COBL: variants seen among roughly 807,000 people sequenced by gnomAD.
COBL encodes the protein cordon-bleu WH2 repeat protein.
Under a neutral mutation model 98.8 loss-of-function variants are expected in COBL, and 51 were observed. The ratio of observed to expected loss-of-function variants is 0.52; its 90% CI spans 0.41 to 0.65. The LOEUF is 0.65. COBL is among the 30% of genes least tolerant of loss of function. COBL has a pLI of 0.00. For missense variants in COBL, 1,617 were observed against 1,617.5 expected, an observed-to-expected ratio of 1.00 and a Z score of 0.01; for synonymous variants, 634 against 651.7, an observed-to-expected ratio of 0.97 and a Z score of 0.41.
intron 3 of COBL, among the ~76,000 whole-genome samples, chr7:51,193,098 G>A (rs1241140169): frequency 6.6e-6 from 1 of 152,198 alleles, no homozygotes; most frequent in Non-Finnish European, 1.5e-5. Flanking sequence ...TAAAGACCAT[G>A]CCCCTCTTTG....
chr7:51,160,551 C>G (rs918534208), intron 5 of COBL, among the ~76,000 whole-genome samples: 3 of 152,320 alleles, frequency 2.0e-5, no homozygotes, highest in East Asian at 3.9e-4. Context: ...CCGAGCCAAC[C>G]TTCATCGAGT....
At chr7:51,066,335 C>T (rs1791921197) in intron 7 of COBL, among the ~76,000 whole-genome samples, 1 of 152,196 alleles carries the variant, frequency 6.6e-6, no homozygotes, top group Non-Finnish European at 1.5e-5. Context: ...GCACCACCTC[C>T]TCCACTTTCT....
At chr7:51,240,476 T>C (rs779834025) in intron 1 of COBL, among the ~76,000 whole-genome samples, 3 of 152,252 alleles carry the variant, frequency 2.0e-5, no homozygotes, top group Non-Finnish European at 4.4e-5. Flanking sequence ...GCGGCTCAAG[T>C]GAACAAAAGC....
chr7:51,057,698 G>A (rs552233479), intron 7 of COBL, among the ~76,000 whole-genome samples: 2 of 152,256 alleles, frequency 1.3e-5, no homozygotes, highest in East Asian at 3.9e-4. Flanking sequence ...CAATTATGGT[G>A]GCCCAAAATA....
Position 51,028,896 on chromosome 7 carries a change from C to T in COBL, c.2200G>A (p.Asp734Asn). The T allele has an allele frequency of 6.2e-6, 10 of 1,614,214 alleles. No individual in the cohort carries two copies. Among genetic ancestry groups the T allele is most frequent in the Middle Eastern group, 1.6e-4 (1 of 6,062 alleles). ...VSLSTGAIKI[D>N]ELGNLVSPHA... is the part of the protein sequence containing the mutation. ...GGACTCACCAAGTTCCCCAGCTCGT[C>T]AATCTTAATGGCTCCGGTGGAGAGG... Residue 734 changes from aspartate to asparagine, a missense_variant, in exon 10 of 13, where the codon GAC becomes AAC. Physicochemically the swap from Asp to Asn is conservative, Grantham distance 23. Around this residue, in one of 3 missense-constraint regions of COBL, gnomAD observed 1,304 missense variants for 1,282.0 expected, o/e 1.02. Transcript: ENST00000265136.
intron 7 of COBL, among the ~76,000 whole-genome samples, chr7:51,066,939 A>G (rs1791992409): frequency 6.6e-6 from 1 of 152,250 alleles, no homozygotes; most frequent in Non-Finnish European, 1.5e-5. Flanking sequence ...AAGACTATTC[A>G]TTTAAACAAC....
chr7:51,279,657 CA>C, intron 1 of COBL, among the ~76,000 whole-genome samples: 1 of 152,308 alleles, frequency 6.6e-6, no homozygotes, highest in Non-Finnish European at 1.5e-5. Flanking sequence ...CCACAACCTA[CA>C]TTAAGGTTCA....
Position 51,041,878 on chromosome 7 carries a change from A to AT in COBL, c.1406+1504_1406+1505insA, listed in dbSNP as rs1160429394. On this transcript the variant is annotated intron_variant, in intron 8 of 12. Transcript: ENST00000265136. ...CGAAAAACATTGGCGGGCTGAAGAG[A>AT]ATCAATATGCCTTTCTATATAATAA... 2.6e-5 allele frequency among the ~76,000 whole-genome samples: 4 copies of AT among 152,192 alleles called. No individual in the cohort carries two copies. The East Asian group carries it at 5.8e-4, about 22-fold the overall frequency.
chr7:51,133,845 T>C lies in COBL; in HGVS notation c.957+2313A>G, dbSNP rs544219966. Among the ~76,000 whole-genome samples, 20 of 152,336 alleles carry C rather than the reference T, an allele frequency of 1.3e-4. No homozygotes were observed. In the East Asian group the frequency reaches 3.1e-3, roughly 23 times the overall value. ...ATAATCAGGTGACAAATACTAACTA[T>C]GGTTACAAATTTTAGAAAATTTTCA... is the stretch of plus-strand genomic sequence containing the variant. On this transcript the variant is annotated intron_variant, in intron 6 of 12. Coordinates refer to ENST00000265136, the MANE Select transcript of COBL (RefSeq NM_015198.5).
intron 7 of COBL, among the ~76,000 whole-genome samples, chr7:51,063,054 A>G (rs1791543012): frequency 6.6e-6 from 1 of 152,216 alleles, no homozygotes; most frequent in African/African-American, 2.4e-5. Flanking sequence ...ACAGTTATTA[A>G]ACTTCCTAAG....
intron 5 of COBL, among the ~76,000 whole-genome samples, chr7:51,181,361 G>A (rs1368463159): frequency 3.9e-5 from 6 of 152,174 alleles, no homozygotes; most frequent in African/African-American, 1.4e-4. Flanking sequence ...AGCTCTTAAA[G>A]CCAATTGCTA....
At chr7:51,159,158 C>G (rs1275549078) in intron 5 of COBL, among the ~76,000 whole-genome samples, 1 of 152,164 alleles carries the variant, frequency 6.6e-6, no homozygotes, top group Admixed American at 6.5e-5. Context: ...GCCGCGCGCG[C>G]TGCGCTCTGG....
chr7:51,274,644 A>G (rs771298346), intron 1 of COBL, among the ~76,000 whole-genome samples: 7 of 152,226 alleles, frequency 4.6e-5, no homozygotes, highest in Non-Finnish European at 1.0e-4. Context: ...CATTAAGCAC[A>G]CTTTTGTGCG....
At chr7:51,177,224 C>T (rs1584063994) in intron 5 of COBL, among the ~76,000 whole-genome samples, 1 of 152,116 alleles carries the variant, frequency 6.6e-6, no homozygotes, top group East Asian at 1.9e-4. Context: ...TACATGTCTT[C>T]CCTGGCTCAC....
chr7:51,031,140 T>C (rs1788103627), intron 8 of COBL: 2 of 538,592 alleles, frequency 3.7e-6, no homozygotes, highest in Admixed American at 3.4e-5. Flanking sequence ...TGTGTGCATG[T>C]GTGGAGTATA....
At chr7:51,272,889 A>C (rs567283156) in intron 1 of COBL, among the ~76,000 whole-genome samples, 86 of 152,200 alleles carry the variant, frequency 5.7e-4, no homozygotes, top group African/African-American at 2.0e-3. Flanking sequence ...TTAATACTAC[A>C]CAAGTCCAGT....
At chr7:51,156,509 G>A (rs140385658) in intron 5 of COBL, 1 of 984,930 alleles carries the variant, frequency 1.0e-6, no homozygotes. Flanking sequence ...AAGGAGTTAC[G>A]CTCACCATAT....
At chr7:51,214,545 G>T (rs1024705232) in intron 2 of COBL, among the ~76,000 whole-genome samples, 1 of 151,904 alleles carries the variant, frequency 6.6e-6, no homozygotes, top group Non-Finnish European at 1.5e-5. Context: ...TCATTTTTTG[G>T]CCTACATCTT....
chr7:51,065,391 G>A (rs1385177851), intron 7 of COBL: 4 of 703,394 alleles, frequency 5.7e-6, no homozygotes, highest in Non-Finnish European at 1.0e-5. Context: ...CTGTGCCCGG[G>A]GCTGTGGTAT....
Sources: gnomAD v4.1 joint callset for allele counts (sites outside exome capture counted in the v4.1 genomes callset) on GRCh38, gnomAD v4.1.1 for gene constraint, gnomAD v4.1.1 regional missense constraint, MANE v1.5 for transcripts, NCBI Gene and HGNC (gene_info 2026-07-23, HGNC 2026-07-21) for gene names.